Variants in DNAJC5B observed in about 807,000 individuals in gnomAD.
The protein encoded by DNAJC5B is DnaJ heat shock protein family (Hsp40) member C5 beta.
Under a neutral mutation model 24.7 loss-of-function variants are expected in DNAJC5B, and 23 were observed. The observed-to-expected ratio is 0.93, with a 90% CI of 0.67 to 1.32. The LOEUF (loss-of-function observed/expected upper bound fraction) is 1.32. Ranked by LOEUF, DNAJC5B falls within the 40% of genes most tolerant of loss-of-function variation. The pLI, the probability that DNAJC5B is intolerant of heterozygous loss-of-function variation, is 0.00. For missense variants in DNAJC5B, 238 were observed against 240.8 expected (o/e 0.99, Z 0.08); for synonymous variants, 101 against 90.1 (o/e 1.12, Z -0.68).
intron 1 of DNAJC5B, among the ~76,000 whole-genome samples, chr8:66,038,015 C>G (rs1462717931): frequency 6.6e-6 from 1 of 152,254 alleles, no homozygotes; most frequent in East Asian, 1.9e-4. Context: ...AGACCAGTGA[C>G]CGCTGCAGGG....
At position 66,100,189 on chromosome 8, in the gene DNAJC5B, G is replaced by A. The variant is rs1210353733; in HGVS notation, c.*158G>A. On this transcript the variant is annotated 3_prime_UTR_variant, in exon 6 of 6. Coordinates refer to ENST00000276570, the MANE Select transcript of DNAJC5B (RefSeq NM_033105.6). ...ACATGATTGCTATATAATTTTCTCA[G>A]TATGCAGACTTTCTCTCTGAGTAGA... 1.7e-6 allele frequency: 1 copy of A among 590,822 alleles called. No individual in the cohort carries two copies. The highest frequency in any genetic ancestry group is 2.9e-6 in the Non-Finnish European group (1 of 344,324). The allele number at this position is 590,822 out of a possible 1,614,324, so 36.6% of individuals were successfully genotyped here. A position where few individuals can be genotyped will look rare whatever the true frequency, so the allele number is the denominator to read the frequency against.
intron 2 of DNAJC5B, among the ~76,000 whole-genome samples, chr8:66,046,793 CT>C (rs1190050822): frequency 1.3e-5 from 2 of 152,264 alleles, no homozygotes; most frequent in Non-Finnish European, 2.9e-5. Context: ...AGTTCTCAGC[CT>C]TGGAAGCTCA....
intron 3 of DNAJC5B, among the ~76,000 whole-genome samples, chr8:66,065,594 G>A (rs1287005795): frequency 6.6e-6 from 1 of 152,194 alleles, no homozygotes; most frequent in African/African-American, 2.4e-5. Context: ...CTTCTTGTGG[G>A]AGGGCAGTTG....
At chr8:66,057,605 A>G (rs1337300477) in intron 3 of DNAJC5B, 1 of 152,218 alleles carries the variant, frequency 6.6e-6, no homozygotes, top group African/African-American at 2.4e-5. Flanking sequence ...GGATAAACCC[A>G]AAGCAATCAA....
At chr8:66,066,989 T>C (rs1807231199) in intron 3 of DNAJC5B, among the ~76,000 whole-genome samples, 3 of 137,466 alleles carry the variant, frequency 2.2e-5, no homozygotes, top group Non-Finnish European at 4.6e-5. Flanking sequence ...TAGGGGCCAA[T>C]ACACAAAGGC....
chr8:66,042,706 TC>T (rs1441821526), intron 1 of DNAJC5B, among the ~76,000 whole-genome samples: 17 of 54,172 alleles, frequency 3.1e-4, no homozygotes, highest in Admixed American at 1.0e-3. Context: ...CCCCTCCCCC[TC>T]CCCCCTCCCC....
chr8:66,100,147 A>T lies in DNAJC5B; in HGVS notation c.*116A>T, dbSNP rs1808045181. 1 of 862,252 alleles carries T rather than the reference A, an allele frequency of 1.2e-6. No homozygotes were observed. The highest frequency in any genetic ancestry group is 3.0e-5 in the Admixed American group (1 of 33,516). 53.4% of individuals were successfully genotyped at this position (862,252 alleles called of 1,614,324 possible). A position where few individuals can be genotyped will look rare whatever the true frequency, so the allele number is the denominator to read the frequency against. ...GTGAACTTTTCCATCTTGTTGTTTT[A>T]TTTTTGGGTTAGGAAAACATGATTG... On this transcript the variant is annotated 3_prime_UTR_variant, in exon 6 of 6. Coordinates refer to ENST00000276570, the MANE Select transcript of DNAJC5B (RefSeq NM_033105.6).
intron 3 of DNAJC5B, among the ~76,000 whole-genome samples, chr8:66,071,317 T>C (rs1304238068): frequency 6.6e-6 from 1 of 152,148 alleles, no homozygotes; most frequent in South Asian, 2.1e-4. Context: ...AAAGGGCTAA[T>C]ATCCAGAATC....
intron 5 of DNAJC5B, among the ~76,000 whole-genome samples, chr8:66,081,050 C>G (rs1220683880): frequency 6.6e-6 from 1 of 152,096 alleles, no homozygotes; most frequent in East Asian, 1.9e-4. Context: ...TCCTTCTTTA[C>G]CTGAAATATA....
At chr8:66,027,229 C>T (rs1806264867) in intron 1 of DNAJC5B, among the ~76,000 whole-genome samples, 1 of 152,144 alleles carries the variant, frequency 6.6e-6, no homozygotes, top group Non-Finnish European at 1.5e-5. Context: ...CAGGACAGCC[C>T]CGGAAATCTT....
At chr8:66,081,225 A>C (rs936780974) in intron 5 of DNAJC5B, among the ~76,000 whole-genome samples, 6 of 152,148 alleles carry the variant, frequency 3.9e-5, no homozygotes, top group African/African-American at 1.4e-4. Flanking sequence ...AAGAAAGATG[A>C]GATCTCACAG....
chr8:66,044,446 C>T (rs1806681815), intron 2 of DNAJC5B, among the ~76,000 whole-genome samples: 1 of 151,962 alleles, frequency 6.6e-6, no homozygotes, highest in South Asian at 2.1e-4. Flanking sequence ...TCAAACTTCA[C>T]ATAATAGATA....
upstream of DNAJC5B, among the ~76,000 whole-genome samples, chr8:66,020,594 C>CTGTGTG (rs10526018): frequency 3.3e-3 from 436 of 132,432 alleles, 3 homozygotes; most frequent in Middle Eastern, 3.9e-3. Flanking sequence ...AATCAATACT[C>CTGTGTG]TGTGTGTGTG....
chr8:66,044,359 C>T lies in DNAJC5B; in HGVS notation c.-18+748C>T, dbSNP rs532168406. Among the ~76,000 whole-genome samples the T allele has an allele frequency of 4.6e-5, 7 of 152,168 alleles. No individual in the cohort carries two copies. The South Asian group carries it at 1.4e-3, about 32-fold the overall frequency. On this transcript the variant is annotated intron_variant, in intron 2 of 5. Coordinates refer to ENST00000276570, the MANE Select transcript of DNAJC5B (RefSeq NM_033105.6). ...TGTTTGCTGTGTTTAATGATCTAAT[C>T]TCCTCTGCCCACATTCATTTTCTCA... is the stretch of plus-strand genomic sequence containing the variant.
At chr8:66,055,334 C>A (rs2128960426) in intron 3 of DNAJC5B, among the ~76,000 whole-genome samples, 1 of 152,042 alleles carries the variant, frequency 6.6e-6, no homozygotes, top group East Asian at 1.9e-4. Flanking sequence ...ATTGTAGGAT[C>A]TGGATCAAAG....
chr8:66,018,556 A>T (rs1202741673), upstream of DNAJC5B, among the ~76,000 whole-genome samples: 1 of 151,984 alleles, frequency 6.6e-6, no homozygotes, highest in Admixed American at 6.6e-5. Context: ...AAACAAAAAC[A>T]AGTCCTCCAG....
chr8:66,016,187 C>T, the DNAJC5B span, among the ~76,000 whole-genome samples: 1 of 152,198 alleles, frequency 6.6e-6, no homozygotes, highest in African/African-American at 2.4e-5. Context: ...GGGCTAGTTT[C>T]TTCCAGCCCT....
chr8:66,032,062 A>G (rs534476719), intron 1 of DNAJC5B, among the ~76,000 whole-genome samples: 2 of 152,358 alleles, frequency 1.3e-5, no homozygotes, highest in Non-Finnish European at 2.9e-5. Flanking sequence ...ATGTTTGCAC[A>G]TTTTAGAGAT....
intron 3 of DNAJC5B, among the ~76,000 whole-genome samples, chr8:66,054,146 C>T (rs963889461): frequency 1.3e-5 from 2 of 151,694 alleles, no homozygotes; most frequent in East Asian, 1.9e-4. Flanking sequence ...TTTTCTTATG[C>T]GGTATAAAGC....
Sources: gnomAD v4.1 joint callset for allele counts (sites outside exome capture counted in the v4.1 genomes callset) on GRCh38, gnomAD v4.1.1 for gene constraint, MANE v1.5 for transcripts, NCBI Gene and HGNC (gene_info 2026-07-23, HGNC 2026-07-21) for gene names.